Variants in DHX40 observed in about 807,000 individuals in gnomAD.
DHX40 encodes probable ATP-dependent RNA helicase DHX40.
In DHX40, 28 loss-of-function variants were observed where a neutral mutation model predicts 89.6. The observed-to-expected ratio is 0.31, with a 90% confidence interval of 0.23 to 0.43. The LOEUF (loss-of-function observed/expected upper bound fraction) is 0.43. Among genes scored for constraint, DHX40 ranks in the 20% least tolerant of loss-of-function variants. The probability of loss-of-function intolerance (pLI) is 1.00; values close to 1 mark genes in which losing one functional copy is unlikely to be tolerated. For missense variants in DHX40, 457 were observed against 844.0 expected, an observed-to-expected ratio of 0.54 and a Z score of 5.68; for synonymous variants, 226 against 283.6, an observed-to-expected ratio of 0.80 and a Z score of 2.04.
intron 12 of DHX40, among the ~76,000 whole-genome samples, 166 bp downstream of exon 12, chr17:59,588,219 T>TAAAA (rs1169868073): frequency 4.4e-5 from 3 of 67,802 alleles, no homozygotes; most frequent in Admixed American, 1.5e-4. Context: ...CCATCTCTAC[T>TAAAA]AAAAAAAAAA....
intron 2 of DHX40, among the ~76,000 whole-genome samples, chr17:59,568,007 G>A (rs2048732485): frequency 6.6e-6 from 1 of 152,086 alleles, no homozygotes; most frequent in African/African-American, 2.4e-5. Flanking sequence ...GGCCAGGGCA[G>A]GTGGATCATG....
chr17:59,600,470 T>G (rs576129054), intron 14 of DHX40, among the ~76,000 whole-genome samples: 1 of 152,152 alleles, frequency 6.6e-6, no homozygotes, highest in African/African-American at 2.4e-5. Context: ...TATGCTCTTT[T>G]TTTTTTGGTC....
intron 12 of DHX40, among the ~76,000 whole-genome samples, chr17:59,595,978 C>G (rs2030030520): frequency 6.6e-6 from 1 of 152,118 alleles, no homozygotes. Flanking sequence ...CTTATACAGT[C>G]TTTAATTTCT....
intron 12 of DHX40, among the ~76,000 whole-genome samples, chr17:59,590,104 G>A (rs1237059671): frequency 6.6e-6 from 1 of 151,254 alleles, no homozygotes; most frequent in African/African-American, 2.4e-5. Context: ...CAAAAGAAAA[G>A]GTAGTTTAGC....
intron 3 of DHX40, 38 bp downstream of exon 3, chr17:59,570,701 A>G (rs759284603): frequency 5.7e-6 from 9 of 1,586,358 alleles, no homozygotes; most frequent in East Asian, 2.3e-5. Flanking sequence ...CTTTTCTTTT[A>G]TGGGACAGGG....
intron 12 of DHX40, among the ~76,000 whole-genome samples, chr17:59,595,197 C>T (rs747903275): frequency 6.6e-6 from 1 of 151,882 alleles, no homozygotes; most frequent in Non-Finnish European, 1.5e-5. Context: ...AATTCTCCTG[C>T]CTCAGCCTCC....
At chr17:59,587,660 G>A (rs924753482) in intron 11 of DHX40, among the ~76,000 whole-genome samples, 1 of 151,952 alleles carries the variant, frequency 6.6e-6, no homozygotes, top group Admixed American at 6.6e-5. Context: ...GTTTTGCCAT[G>A]TTGGCCAGGC....
At chr17:59,576,591 TACTC>T (rs1380713483) in intron 7 of DHX40, among the ~76,000 whole-genome samples, 1 of 152,194 alleles carries the variant, frequency 6.6e-6, no homozygotes, top group African/African-American at 2.4e-5. Context: ...ATTAGCTTCT[TACTC>T]TCTATTGAAG....
rs913312286 is a variant in DHX40, at chr17:59,588,994, T to C, written c.1582+941T>C. 2.7e-3 allele frequency among the ~76,000 whole-genome samples: 415 copies of C among 152,230 alleles called. 2 individuals carry two copies. Among genetic ancestry groups the C allele is most frequent in the African/African-American group, 9.6e-3 (401 of 41,556 alleles). On this transcript the variant is annotated intron_variant, in intron 12 of 17. Coordinates refer to ENST00000251241, the MANE Select transcript of DHX40 (RefSeq NM_024612.5). ...TTGTTAAATATCAGCTGACTATTCT[T>C]ATATGGGTCTGTTTCTGGGCTCTGT...
intron 17 of DHX40, among the ~76,000 whole-genome samples, chr17:59,606,758 A>AG (rs2030881806): frequency 6.6e-6 from 1 of 151,958 alleles, no homozygotes; most frequent in Non-Finnish European, 1.5e-5. Flanking sequence ...AAAAAAAAAA[A>AG]AAAAGAAAAG....
chr17:59,594,430 A>T (rs1471162697), intron 12 of DHX40, among the ~76,000 whole-genome samples: 1 of 150,858 alleles, frequency 6.6e-6, no homozygotes, highest in Non-Finnish European at 1.5e-5. Context: ...GGAGTTGGAG[A>T]GGGTGGTGGT....
chr17:59,606,275 G>A (rs186106755), intron 17 of DHX40, among the ~76,000 whole-genome samples: 1 of 152,114 alleles, frequency 6.6e-6, no homozygotes, highest in East Asian at 1.9e-4. Flanking sequence ...GGCATAAATA[G>A]TTGTGGTACT....
rs369693869 is a variant in DHX40 at position 59,566,723 on chromosome 17, C to T, written c.209C>T (p.Ser70Leu). Residue 70 changes from serine (S) to leucine (L), a missense_variant, in exon 2 of 18, where the codon TCA becomes TTA. Ser to Leu is a moderately radical substitution (Grantham distance 145). This residue lies in a region of DHX40 where 61 missense variants were observed against 100.4 expected (regional missense o/e 0.61). Transcript: ENST00000251241. ...KKIIQAVRDN[S>L]FLIVTGNTGS... ...ATTATTCAAGCTGTGAGGGACAATT[C>T]ATTCCTTATTGTTACTGGAAATACA... is the stretch of plus-strand genomic sequence containing the variant. The T allele has an allele frequency of 8.7e-6, 14 of 1,604,448 alleles. No individual in the cohort carries two copies. In the Admixed American group the frequency reaches 2.0e-4, roughly 22 times the overall value.
chr17:59,575,418 A>G lies in DHX40; in HGVS notation c.920A>G (p.Asp307Gly). 1 of 1,613,110 alleles carries G rather than the reference A, an allele frequency of 6.2e-7. No individual in the cohort carries two copies. The highest frequency in any genetic ancestry group is 8.5e-7 in the Non-Finnish European group (1 of 1,179,582). ...ESVDYDYDVQDTTLDGLLILP... is the reference protein window; with the variant it reads ...ESVDYDYDVQGTTLDGLLILP... The stretch of plus-strand genomic sequence containing the variant: ...GTTGATTATGATTATGATGTTCAAG[A>G]TACCACCCTCGATGGCTTGTTAATA... Residue 307 changes from aspartate (D) to glycine (G), a missense_variant, in exon 7 of 18, where the codon GAT (aspartate) becomes GGT (glycine). Around this residue, in one of 9 missense-constraint regions of DHX40, gnomAD observed 116 missense variants for 188.9 expected, o/e 0.61. Transcript: ENST00000251241.
chr17:59,588,755 T>C (rs142467689), intron 12 of DHX40, among the ~76,000 whole-genome samples: 404 of 152,342 alleles, frequency 2.7e-3, no homozygotes, highest in African/African-American at 9.4e-3. Flanking sequence ...CATTGACTTT[T>C]GCAGAGCGGA....
At chr17:59,570,219 TAA>T (rs1301666887) in intron 2 of DHX40, among the ~76,000 whole-genome samples, 4 of 114,726 alleles carry the variant, frequency 3.5e-5, no homozygotes, top group Admixed American at 1.0e-4. Context: ...TATTATATAT[TAA>T]ATATATATTA....
Position 59,607,267 on chromosome 17 carries a change from T to A in DHX40, c.*95T>A, listed in dbSNP as rs1320940918. ...TTCAGACAGCACTACCAAGAGGAGG[T>A]GGTCAGCACTTGTTATTGGCCTATG... On this transcript the variant is annotated 3_prime_UTR_variant, in exon 18 of 18. Transcript: ENST00000251241. The A allele has an allele frequency of 6.2e-7, 1 of 1,612,064 alleles. No individual in the cohort carries two copies. Among genetic ancestry groups the A allele is most frequent in the Non-Finnish European group, 8.5e-7 (1 of 1,179,122 alleles).
Position 59,566,620 on chromosome 17 carries a change from A to G in DHX40, c.113-7A>G. On this transcript the variant is annotated splice_polypyrimidine_tract_variant and splice_region_variant and intron_variant, in intron 1 of 17. Coordinates refer to ENST00000251241, the MANE Select transcript of DHX40 (RefSeq NM_024612.5). ...CTTTTAATTGACTTGTTTTTCTGTT[A>G]TTACAGAAGAGAAAGGATGCACGTC... 6 of 1,572,282 alleles carry G rather than the reference A, an allele frequency of 3.8e-6. No homozygotes were observed. Among genetic ancestry groups the G allele is most frequent in the Non-Finnish European group, 5.1e-6 (6 of 1,168,088 alleles).
intron 10 of DHX40, among the ~76,000 whole-genome samples, 183 bp from the exon 11 acceptor site, chr17:59,585,970 T>G (rs2048989396): frequency 6.6e-6 from 1 of 151,560 alleles, no homozygotes; most frequent in South Asian, 2.1e-4. Flanking sequence ...GGAGTGTGAT[T>G]CAGAAAAAAA....
Sources: gnomAD v4.1 joint callset for allele counts (sites outside exome capture counted in the v4.1 genomes callset) on GRCh38, gnomAD v4.1.1 for gene constraint, gnomAD v4.1.1 regional missense constraint, MANE v1.5 for transcripts, NCBI Gene and HGNC (gene_info 2026-07-23, HGNC 2026-07-21) for gene names.